Variants in MGMT observed in about 807,000 individuals in gnomAD.
The protein encoded by MGMT is methylated-DNA--protein-cysteine methyltransferase.
A neutral mutation model predicts 15.9 loss-of-function variants in MGMT; 14 were observed. The observed-to-expected ratio is 0.88, with a 90% CI of 0.58 to 1.37. The LOEUF (loss-of-function observed/expected upper bound fraction) is 1.37. Ranked by LOEUF, MGMT falls within the 40% of genes most tolerant of loss-of-function variation. The probability of loss-of-function intolerance (pLI) is 0.00; values close to 1 mark genes in which losing one functional copy is unlikely to be tolerated. For missense variants in MGMT, 282 were observed against 268.1 expected (o/e 1.05, Z -0.36); for synonymous variants, 130 against 118.2 (o/e 1.10, Z -0.65).
chr10:129,655,512 C>T (rs1028881870), intron 2 of MGMT, among the ~76,000 whole-genome samples: 7 of 152,194 alleles, frequency 4.6e-5, no homozygotes, highest in Admixed American at 4.6e-4. Context: ...GAGTTTTAAA[C>T]GTCCAGACCT....
At chr10:129,731,491 C>A (rs1314182791) in intron 3 of MGMT, among the ~76,000 whole-genome samples, 1 of 151,212 alleles carries the variant, frequency 6.6e-6, no homozygotes, top group Non-Finnish European at 1.5e-5. Flanking sequence ...GCTTCATACA[C>A]CCTGCATATG....
intron 2 of MGMT, among the ~76,000 whole-genome samples, chr10:129,598,714 G>A (rs770243531): frequency 6.6e-6 from 1 of 152,218 alleles, no homozygotes; most frequent in Non-Finnish European, 1.5e-5. Context: ...CTTCTAACTA[G>A]TAGATAATTA....
intron 2 of MGMT, among the ~76,000 whole-genome samples, chr10:129,615,197 T>C (rs534000179): frequency 6.6e-6 from 1 of 152,300 alleles, no homozygotes; most frequent in South Asian, 2.1e-4. Context: ...TTGTTTCTAA[T>C]GTCTAGAAAT....
intron 2 of MGMT, among the ~76,000 whole-genome samples, chr10:129,544,277 G>A (rs1589859038): frequency 2.0e-5 from 3 of 152,328 alleles, no homozygotes; most frequent in Non-Finnish European, 4.4e-5. Flanking sequence ...AAAGATCCCG[G>A]AAGTGGCAGC....
At chr10:129,753,479 C>A (rs577401184) in intron 3 of MGMT, among the ~76,000 whole-genome samples, 20 of 152,222 alleles carry the variant, frequency 1.3e-4, no homozygotes, top group African/African-American at 4.8e-4. Context: ...GACCTTGTCT[C>A]ACGTGTTCTC....
chr10:129,507,906 C>T (rs560969529), intron 1 of MGMT, among the ~76,000 whole-genome samples: 21 of 152,286 alleles, frequency 1.4e-4, no homozygotes, highest in Non-Finnish European at 2.9e-4. Context: ...TGTTCTCATT[C>T]CACCACAGGT....
chr10:129,744,346 C>T (rs1313559355), intron 3 of MGMT, among the ~76,000 whole-genome samples: 2 of 152,236 alleles, frequency 1.3e-5, no homozygotes, highest in Non-Finnish European at 2.9e-5. Flanking sequence ...CCATGGCATA[C>T]AGAGCACGTC....
At chr10:129,523,969 G>C (rs1353891455) in intron 1 of MGMT, among the ~76,000 whole-genome samples, 2 of 152,186 alleles carry the variant, frequency 1.3e-5, no homozygotes, top group African/African-American at 4.8e-5. Flanking sequence ...GACACTGCCA[G>C]GTGCCTTGGA....
At chr10:129,696,935 G>A (rs536157893) in intron 2 of MGMT, among the ~76,000 whole-genome samples, 1 of 152,354 alleles carries the variant, frequency 6.6e-6, no homozygotes, top group African/African-American at 2.4e-5. Context: ...TAGGGGACAC[G>A]GCAGGCCGGG....
At chr10:129,476,575 G>T (rs114275414) in intron 1 of MGMT, among the ~76,000 whole-genome samples, 268 of 152,210 alleles carry the variant, frequency 1.8e-3, no homozygotes, top group African/African-American at 6.1e-3. Context: ...TGGTTCCATG[G>T]TCTGTTGGGG....
intron 2 of MGMT, among the ~76,000 whole-genome samples, chr10:129,660,162 A>G (rs376405744): frequency 1.8e-4 from 27 of 152,028 alleles, no homozygotes; most frequent in East Asian, 9.7e-4. Context: ...CTCCCTGCCA[A>G]TTGTGGTTTC....
In MGMT at chr10:129,536,330, G is replaced by C. The variant is rs1473225094; in HGVS notation, c.78G>C (p.Gln26His). Residue 26 changes from glutamine (Q) to histidine (H), a missense_variant, in exon 2 of 5, where the codon CAG becomes CAC. By Grantham distance (24) the Gln-to-His change is conservative (BLOSUM62 0). Transcript: ENST00000651593. ...LGKLELSGCE[Q>H]GLHEIKLLGK... ...AGCTGGAGCTGTCTGGTTGTGAGCA[G>C]GGTCTGCACGAAATAAAGCTCCTGG... The C allele has an allele frequency of 1.2e-6, 2 of 1,614,136 alleles. No individual in the cohort carries two copies. Among genetic ancestry groups the C allele is most frequent in the Non-Finnish European group, 1.7e-6 (2 of 1,180,028 alleles).
intron 1 of MGMT, among the ~76,000 whole-genome samples, chr10:129,486,416 T>G (rs776550500): frequency 2.2e-4 from 34 of 152,204 alleles, no homozygotes; most frequent in Non-Finnish European, 4.3e-4. Flanking sequence ...CTCGAACTCT[T>G]GACCTCAGGT....
chr10:129,548,182 C>A (rs377447272), intron 2 of MGMT, among the ~76,000 whole-genome samples: 2 of 152,164 alleles, frequency 1.3e-5, no homozygotes, highest in African/African-American at 4.8e-5. Context: ...TGACTCTTTC[C>A]CTTGTTCGTC....
chr10:129,698,302 G>A (rs1157308955), intron 2 of MGMT, among the ~76,000 whole-genome samples: 1 of 152,210 alleles, frequency 6.6e-6, no homozygotes, highest in Non-Finnish European at 1.5e-5. Context: ...CCCATTTGAA[G>A]CCCATGTCCA....
chr10:129,668,401 C>T (rs1847683880), intron 2 of MGMT, among the ~76,000 whole-genome samples: 1 of 152,202 alleles, frequency 6.6e-6, no homozygotes, highest in South Asian at 2.1e-4. Context: ...TATTTGCTCT[C>T]ACCTTTACAG....
At chr10:129,731,432 G>T (rs1848496660) in intron 3 of MGMT, among the ~76,000 whole-genome samples, 1 of 138,756 alleles carries the variant, frequency 7.2e-6, no homozygotes, top group Admixed American at 8.4e-5. Flanking sequence ...ACACGATCTC[G>T]GCTTACTGCA....
At chr10:129,742,596 T>C (rs1410749737) in intron 3 of MGMT, among the ~76,000 whole-genome samples, 2 of 150,378 alleles carry the variant, frequency 1.3e-5, no homozygotes, top group African/African-American at 2.5e-5. Flanking sequence ...CGTTCAGCAG[T>C]GCCCCACTAC....
chr10:129,514,663 T>C (rs933621761), intron 1 of MGMT, among the ~76,000 whole-genome samples: 6 of 152,022 alleles, frequency 3.9e-5, no homozygotes, highest in African/African-American at 9.7e-5. Context: ...TGGGGGGAGA[T>C]TAGGTTAGTG....
Sources: allele counts gnomAD v4.1 joint callset (sites outside exome capture counted in the v4.1 genomes callset), GRCh38; gene constraint gnomAD v4.1.1; transcripts MANE v1.5; gene names NCBI Gene and HGNC (gene_info 2026-07-23, HGNC 2026-07-21).